CSMD1: variants seen among roughly 807,000 people sequenced by gnomAD.
The protein encoded by CSMD1 is CUB and Sushi multiple domains 1, also known as CUB and sushi domain-containing protein 1.
A neutral mutation model predicts 417.5 loss-of-function variants in CSMD1; 213 were observed. That is an observed-to-expected ratio of 0.51 (90% CI 0.46 to 0.57). The LOEUF (loss-of-function observed/expected upper bound fraction) is 0.57. CSMD1 is among the 20% of genes least tolerant of loss of function. CSMD1 has a pLI of 0.00. For synonymous variants in CSMD1, 2,862 were observed against 1,736.8 expected (o/e 1.65, Z -16.11); for missense variants, 6,923 against 4,529.7 (o/e 1.53, Z -15.17).
intron 9 of CSMD1, among the ~76,000 whole-genome samples, chr8:3,577,424 T>C (rs1050682421): frequency 2.0e-5 from 3 of 152,176 alleles, no homozygotes; most frequent in African/African-American, 4.8e-5. Context: ...AATTTAGAAA[T>C]CTCTGTCCGT....
At chr8:4,116,608 C>G (rs1034338116) in intron 3 of CSMD1, among the ~76,000 whole-genome samples, 1 of 138,280 alleles carries the variant, frequency 7.2e-6, no homozygotes, top group Non-Finnish European at 1.5e-5. Flanking sequence ...AGTGCAGGTG[C>G]CTGGATGGAA....
chr8:2,981,577 C>G (rs923340883), intron 54 of CSMD1, among the ~76,000 whole-genome samples: 1 of 152,116 alleles, frequency 6.6e-6, no homozygotes, highest in Admixed American at 6.5e-5. Context: ...TGACATGGAA[C>G]CTGATTTTGT....
chr8:3,371,890 T>C (rs942214880), intron 18 of CSMD1, among the ~76,000 whole-genome samples: 28 of 152,246 alleles, frequency 1.8e-4, no homozygotes, highest in African/African-American at 6.5e-4. Context: ...AGTAACATTA[T>C]ACATCCCACT....
intron 55 of CSMD1, among the ~76,000 whole-genome samples, chr8:2,976,430 G>A (rs944867338): frequency 1.3e-5 from 2 of 152,070 alleles, no homozygotes; most frequent in Admixed American, 6.5e-5. Flanking sequence ...TGGTGCAATC[G>A]TAACTCCTGG....
chr8:4,462,253 G>A (rs543473097), intron 2 of CSMD1, among the ~76,000 whole-genome samples: 1 of 151,964 alleles, frequency 6.6e-6, no homozygotes, highest in African/African-American at 2.4e-5. Context: ...CTTTACCATA[G>A]CATCTAAAAA....
At chr8:4,846,003 C>A (rs6984688) in intron 1 of CSMD1, among the ~76,000 whole-genome samples, 97,743 of 151,932 alleles carry the variant, frequency 0.64, 31,965 homozygotes, top group East Asian at 0.95. Flanking sequence ...ATTATACTGG[C>A]CATCCACTTT....
At chr8:3,564,549 G>A (rs867235464) in intron 10 of CSMD1, among the ~76,000 whole-genome samples, 2 of 149,480 alleles carry the variant, frequency 1.3e-5, no homozygotes, top group Non-Finnish European at 2.9e-5. Context: ...GTGTGTGTGT[G>A]TATAATACAT....
intron 10 of CSMD1, among the ~76,000 whole-genome samples, chr8:3,494,722 G>C (rs536029050): frequency 5.3e-5 from 8 of 152,242 alleles, no homozygotes; most frequent in African/African-American, 1.4e-4. Flanking sequence ...TGTAACAAGA[G>C]AGACGCAGAG....
chr8:3,954,575 C>T (rs1426735411), intron 5 of CSMD1, among the ~76,000 whole-genome samples: 1 of 152,168 alleles, frequency 6.6e-6, no homozygotes, highest in Non-Finnish European at 1.5e-5. Context: ...CACCGTGTTG[C>T]TCAGGCTGGA....
rs1225048878 is a variant in CSMD1 at position 3,287,928 on chromosome 8, T to C, written c.3951-3582A>G. 1.4e-5 allele frequency among the ~76,000 whole-genome samples: 2 copies of C among 146,244 alleles called. 1 individual carries two copies. The highest frequency in any genetic ancestry group is 5.5e-5 in the African/African-American group (2 of 36,502). The stretch of plus-strand genomic sequence containing the variant: ...AGTTTTTGCCTATTCAGTATGATAT[T>C]GGCTGTGGGTTTGTCATAGATAGCT... On this transcript the variant is annotated intron_variant, in intron 25 of 69. Transcript: ENST00000635120.
At chr8:3,356,117 A>C (rs986814537) in intron 21 of CSMD1, among the ~76,000 whole-genome samples, 1 of 152,250 alleles carries the variant, frequency 6.6e-6, no homozygotes, top group Non-Finnish European at 1.5e-5. Flanking sequence ...TAGGGAGGTT[A>C]AAACGGCACA....
At chr8:4,188,141 C>T (rs5028015) in intron 3 of CSMD1, among the ~76,000 whole-genome samples, 131,515 of 152,066 alleles carry the variant, frequency 0.86, 57,001 homozygotes, top group South Asian at 0.94. Context: ...TACTGCCACA[C>T]ACATCCTAAC....
In CSMD1 at chr8:3,355,705, G is replaced by T. The variant is rs149455699; in HGVS notation, c.3304+3447C>A. 5.5e-3 allele frequency among the ~76,000 whole-genome samples: 830 copies of T among 152,274 alleles called. 3 individuals are homozygous for T. The highest frequency in any genetic ancestry group is 7.2e-3 in the Non-Finnish European group (488 of 68,024). Reference sequence around the variant, plus strand: ...AGAGATGCTGAGACCTCAGGTTCTTGTTGATGAGGTTGAACCCTTGATCAA... The same window carrying T: ...AGAGATGCTGAGACCTCAGGTTCTTTTTGATGAGGTTGAACCCTTGATCAA... On this transcript the variant is annotated intron_variant, in intron 21 of 69. Coordinates refer to ENST00000635120, the MANE Select transcript of CSMD1 (RefSeq NM_033225.6).
intron 5 of CSMD1, among the ~76,000 whole-genome samples, chr8:3,892,723 T>G (rs1397087305): frequency 4.7e-5 from 7 of 149,554 alleles, no homozygotes; most frequent in Admixed American, 3.3e-4. Context: ...AGGTTTTTTT[T>G]TTTTTTTTTT....
At chr8:3,065,598 G>A (rs976662008) in intron 49 of CSMD1, among the ~76,000 whole-genome samples, 15 of 151,160 alleles carry the variant, frequency 9.9e-5, no homozygotes, top group African/African-American at 3.7e-4. Flanking sequence ...AGATCGATAG[G>A]AAGATAGAAA....
chr8:3,707,169 C>G (rs1801218154), intron 7 of CSMD1, among the ~76,000 whole-genome samples: 1 of 152,122 alleles, frequency 6.6e-6, no homozygotes, highest in African/African-American at 2.4e-5. Flanking sequence ...TCAGGAAATC[C>G]TAAAGTGATA....
intron 3 of CSMD1, among the ~76,000 whole-genome samples, chr8:4,116,386 T>C (rs548877481): frequency 6.6e-6 from 1 of 152,278 alleles, no homozygotes; most frequent in East Asian, 1.9e-4. Context: ...CCATGGAATA[T>C]ACCACACCAT....
chr8:3,893,339 T>TTATATATGTATATGTATATATATATATA (rs1231999334), intron 5 of CSMD1, among the ~76,000 whole-genome samples: 1 of 80,440 alleles, frequency 1.2e-5, no homozygotes, highest in Admixed American at 1.7e-4. Flanking sequence ...ATTCACAATT[T>TTATATATGTATATGTATATATATATATA]TATATATATA....
chr8:3,148,773 G>C (rs758768455), intron 40 of CSMD1, among the ~76,000 whole-genome samples: 19 of 152,192 alleles, frequency 1.2e-4, no homozygotes, highest in African/African-American at 4.6e-4. Context: ...TGTTGACCAC[G>C]TTAGAGGACA....
Sources: allele counts gnomAD v4.1 joint callset (sites outside exome capture counted in the v4.1 genomes callset), GRCh38; gene constraint gnomAD v4.1.1; transcripts MANE v1.5; gene names NCBI Gene and HGNC (gene_info 2026-07-23, HGNC 2026-07-21).